The following ANKRD31 variants were observed in gnomAD, a reference collection of about 807,000 sequenced individuals.
ANKRD31 encodes ankyrin repeat domain-containing protein 31.
Under a neutral mutation model 186.0 loss-of-function variants are expected in ANKRD31, and 147 were observed. The ratio of observed to expected loss-of-function variants is 0.79; its 90% CI spans 0.69 to 0.91. The LOEUF (loss-of-function observed/expected upper bound fraction) is 0.91, where lower values mean the gene tolerates loss of function less well. Among genes scored for constraint, ANKRD31 ranks in the 40% least tolerant of loss-of-function variants. ANKRD31 has a pLI of 0.00. For missense variants in ANKRD31, 1,986 were observed against 2,148.8 expected, an observed-to-expected ratio of 0.92 and a Z score of 1.50; for synonymous variants, 673 against 736.4, an observed-to-expected ratio of 0.91 and a Z score of 1.39.
In ANKRD31 at chr5:75,147,054, A is replaced by C. The variant is rs1481752925; in HGVS notation, c.2357T>G (p.Leu786Ter). The change falls in exon 14 of 26, where the codon TTA becomes TGA. Residue 786 changes from leucine to a stop codon, truncating the protein, a stop_gained. Coordinates refer to ENST00000506364, the MANE Select transcript of ANKRD31 (RefSeq NM_001372053.1). LOFTEE classifies it high-confidence loss of function. Reference sequence around the variant, plus strand: ...TCCATTTCTCAGGCTTGACAGAGTTAAGCTGGAAGGTTCACACAATTCTTC... The same window carrying C: ...TCCATTTCTCAGGCTTGACAGAGTTCAGCTGGAAGGTTCACACAATTCTTC... ...LPEELCEPSS[L>*]TLSSLRNGLD... 22 of 1,536,230 alleles carry C rather than the reference A, an allele frequency of 1.4e-5. No individual in the cohort carries two copies. Among genetic ancestry groups the C allele is most frequent in the Non-Finnish European group, 2.6e-6 (3 of 1,146,320 alleles).
intron 17 of ANKRD31, among the ~76,000 whole-genome samples, chr5:75,120,774 C>A (rs536619957): frequency 2.0e-5 from 3 of 152,186 alleles, no homozygotes; most frequent in East Asian, 3.9e-4. Flanking sequence ...TCAATATTAA[C>A]CTTGAATGTA....
Position 75,080,568 on chromosome 5 carries a change from C to G in ANKRD31, c.5647G>C (p.Gly1883Arg), listed in dbSNP as rs551743942. 1 of 1,510,906 alleles carries G rather than the reference C, an allele frequency of 6.6e-7. No homozygotes were observed. Among genetic ancestry groups the G allele is most frequent in the Non-Finnish European group, 8.8e-7 (1 of 1,133,984 alleles). The allele number at this position is 1,510,906 out of a possible 1,614,324, so 93.6% of individuals were successfully genotyped here. Residue 1883 changes from glycine to arginine, a missense_variant and splice_region_variant, in exon 25 of 26, where the codon GGA (glycine) becomes CGA (arginine). Gly to Arg is a moderately radical substitution (Grantham distance 125). Coordinates refer to ENST00000506364, the MANE Select transcript of ANKRD31 (RefSeq NM_001372053.1). Reference protein sequence around the residue: ...SMFEKTKFGQGTSRESMQSSP... With the variant: ...SMFEKTKFGQRTSRESMQSSP... The stretch of plus-strand genomic sequence containing the variant: ...ATTGAATATTTTCTTTTTTTTTTAC[C>G]TTGTCCAAATTTTGTTTTCTCAAAC...
rs1751492518 is a variant in ANKRD31, at chr5:75,147,012, T to G, written c.2399A>C (p.Glu800Ala). 1 of 1,536,426 alleles carries G rather than the reference T, an allele frequency of 6.5e-7. No homozygotes were observed. Among genetic ancestry groups the G allele is most frequent in the East Asian group, 2.4e-5 (1 of 40,878 alleles). Residue 800 changes from glutamate (E) to alanine (A), a missense_variant, in exon 14 of 26, where the codon GAG becomes GCG. By Grantham distance (107) the Glu-to-Ala change is moderately radical. Transcript: ENST00000506364. ...TTTCTCTTTGGAAACTGAACAAGCC[T>G]CAGTACTGCTATCTAATCCATTTCT... ...SLRNGLDSSTEACSVSKEKHI... is the reference protein window; with the variant it reads ...SLRNGLDSSTAACSVSKEKHI...
intron 1 of ANKRD31, 45 bp downstream of exon 1, chr5:75,236,538 G>C (rs765856678): frequency 9.3e-6 from 14 of 1,509,942 alleles, no homozygotes; most frequent in Middle Eastern, 1.8e-4. Flanking sequence ...CACCTGGGCC[G>C]CCCTGGCGCG....
Position 75,184,468 on chromosome 5 carries a change from T to C in ANKRD31, c.1564+4025A>G, listed in dbSNP as rs140220221. On this transcript the variant is annotated intron_variant, in intron 10 of 25. Coordinates refer to ENST00000506364, the MANE Select transcript of ANKRD31 (RefSeq NM_001372053.1). The stretch of plus-strand genomic sequence containing the variant: ...CAGAGTCAAGAGACAACTTATAGAA[T>C]GGGAGAAAATATTTGCAAACCATGC... Among the ~76,000 whole-genome samples, 688 of 152,094 alleles carry C rather than the reference T, an allele frequency of 4.5e-3. 4 individuals are homozygous for C. Among genetic ancestry groups the C allele is most frequent in the African/African-American group, 0.013 (553 of 41,496 alleles).
intron 10 of ANKRD31, among the ~76,000 whole-genome samples, chr5:75,171,822 A>C (rs1307686468): frequency 6.6e-6 from 1 of 151,316 alleles, no homozygotes; most frequent in Non-Finnish European, 1.5e-5. Context: ...AGATGGTTTC[A>C]CTCCTAATTC....
At chr5:75,173,297 T>C (rs1212206966) in intron 10 of ANKRD31, among the ~76,000 whole-genome samples, 5 of 152,084 alleles carry the variant, frequency 3.3e-5, no homozygotes, top group Admixed American at 2.0e-4. Flanking sequence ...GGGCAAAAAC[T>C]GGAAGCATTC....
chr5:75,101,907 G>A (rs4515279), intron 22 of ANKRD31, among the ~76,000 whole-genome samples: 26,188 of 152,134 alleles, frequency 0.17, 2,442 homozygotes, highest in South Asian at 0.38. Context: ...TGTTATTACC[G>A]ATTGTCTGAA....
chr5:75,224,131 A>ATATATATATATATATATATATATATATG (rs1757475537), intron 2 of ANKRD31, among the ~76,000 whole-genome samples: 47 of 31,968 alleles, frequency 1.5e-3, no homozygotes, highest in Non-Finnish European at 2.8e-3. Flanking sequence ...AGAAATAATT[A>ATATATATATATATATATATATATATATG]TATATATATA....
chr5:75,075,284 G>T (rs1744540708), intron 25 of ANKRD31, among the ~76,000 whole-genome samples: 1 of 152,134 alleles, frequency 6.6e-6, no homozygotes, highest in Non-Finnish European at 1.5e-5. Flanking sequence ...TGGCCTATGG[G>T]TATGGTTTTC....
chr5:75,219,969 T>C (rs1209603821), intron 3 of ANKRD31, among the ~76,000 whole-genome samples: 2 of 152,112 alleles, frequency 1.3e-5, no homozygotes, highest in East Asian at 1.9e-4. Flanking sequence ...CCCTTTCTTA[T>C]ACCGTATATA....
intron 9 of ANKRD31, among the ~76,000 whole-genome samples, chr5:75,189,102 C>A (rs1343841627): frequency 1.3e-5 from 2 of 152,088 alleles, no homozygotes; most frequent in Non-Finnish European, 2.9e-5. Context: ...GATACAAAAA[C>A]TAATCCCAGT....
At chr5:75,135,638 A>C (rs539070631) in intron 17 of ANKRD31, among the ~76,000 whole-genome samples, 4 of 152,276 alleles carry the variant, frequency 2.6e-5, no homozygotes, top group African/African-American at 9.6e-5. Context: ...GCTACCAATG[A>C]CTTTCTTCAC....
chr5:75,168,966 A>C lies in ANKRD31; in HGVS notation c.1707+13T>G. ...ATATAGTATTTGTTCTGCAAATAAA[A>C]GCATCACAGTACCTTATAATGTCCA... is the stretch of plus-strand genomic sequence containing the variant. On this transcript the variant is annotated intron_variant, in intron 11 of 25. Transcript: ENST00000506364. The C allele has an allele frequency of 6.6e-7, 1 of 1,517,126 alleles. No individual in the cohort carries two copies. Among genetic ancestry groups the C allele is most frequent in the Non-Finnish European group, 8.8e-7 (1 of 1,133,302 alleles). 94.0% of individuals were successfully genotyped at this position (1,517,126 alleles called of 1,614,324 possible).
intron 13 of ANKRD31, among the ~76,000 whole-genome samples, chr5:75,148,346 T>A (rs1472637202): frequency 6.6e-6 from 1 of 151,750 alleles, no homozygotes; most frequent in Admixed American, 6.6e-5. Flanking sequence ...TTAAGCTCCA[T>A]AAAGAGGAGG....
At chr5:75,108,986 T>C (rs1747553772) in intron 20 of ANKRD31, among the ~76,000 whole-genome samples, 1 of 152,168 alleles carries the variant, frequency 6.6e-6, no homozygotes, top group African/African-American at 2.4e-5. Flanking sequence ...TTATATATAA[T>C]TTGGTATCAC....
chr5:75,233,771 C>T (rs999657918), intron 1 of ANKRD31, among the ~76,000 whole-genome samples: 23 of 152,052 alleles, frequency 1.5e-4, no homozygotes, highest in African/African-American at 5.1e-4. Flanking sequence ...CAAAAATTAG[C>T]TGGGCATGGT....
chr5:75,163,330 G>A (rs1052998515), intron 11 of ANKRD31, among the ~76,000 whole-genome samples: 3 of 152,148 alleles, frequency 2.0e-5, no homozygotes, highest in Non-Finnish European at 4.4e-5. Flanking sequence ...AACCCACAGT[G>A]AGTAATGCAC....
At chr5:75,132,512 C>A (rs900431728) in intron 17 of ANKRD31, among the ~76,000 whole-genome samples, 1 of 152,102 alleles carries the variant, frequency 6.6e-6, no homozygotes, top group African/African-American at 2.4e-5. Flanking sequence ...AAATATGGGA[C>A]TATGTGAAAA....
Sources: allele counts gnomAD v4.1 joint callset (sites outside exome capture counted in the v4.1 genomes callset), GRCh38; gene constraint gnomAD v4.1.1; transcripts MANE v1.5; gene names NCBI Gene and HGNC (gene_info 2026-07-23, HGNC 2026-07-21).